Variants in RMI1 observed in about 807,000 individuals in gnomAD.
The protein encoded by RMI1 is RecQ mediated genome instability 1, also known as recQ-mediated genome instability protein 1.
RMI1 carries 36 observed loss-of-function variants against 46.7 expected under a neutral mutation model. The observed-to-expected ratio is 0.77, with a 90% CI of 0.59 to 1.02. The LOEUF (loss-of-function observed/expected upper bound fraction) is 1.02, where lower values mean the gene tolerates loss of function less well. RMI1 is among the 50% of genes least tolerant of loss of function. The probability of loss-of-function intolerance (pLI) is 0.00; values close to 1 mark genes in which losing one functional copy is unlikely to be tolerated. For missense variants in RMI1, 676 were observed against 713.7 expected, an observed-to-expected ratio of 0.95 and a Z score of 0.60; for synonymous variants, 250 against 252.9, an observed-to-expected ratio of 0.99 and a Z score of 0.11.
chr9:83,986,347 C>G lies in RMI1; in HGVS notation c.-126+5456C>G, dbSNP rs888709945. 7.9e-5 allele frequency among the ~76,000 whole-genome samples: 12 copies of G among 152,290 alleles called. No individual in the cohort carries two copies. The East Asian group carries it at 2.3e-3, about 29-fold the overall frequency. On this transcript the variant is annotated intron_variant, in intron 1 of 2. Coordinates refer to ENST00000445877, the MANE Select transcript of RMI1 (RefSeq NM_001358291.2). Reference sequence around the variant, plus strand: ...AGAATTCTGTTCATTATAGTAGCAGCAAACCACTCTTATAGAATGGCCGTT... The same window carrying G: ...AGAATTCTGTTCATTATAGTAGCAGGAAACCACTCTTATAGAATGGCCGTT...
At chr9:83,987,076 C>T (rs1455132829) in intron 1 of RMI1, among the ~76,000 whole-genome samples, 4 of 151,690 alleles carry the variant, frequency 2.6e-5, no homozygotes, top group Non-Finnish European at 5.9e-5. Context: ...CCCTTCCCTT[C>T]GCTTTCCGAT....
At chr9:83,997,656 G>A (rs1957678182) in intron 1 of RMI1, among the ~76,000 whole-genome samples, 1 of 152,052 alleles carries the variant, frequency 6.6e-6, no homozygotes, top group South Asian at 2.1e-4. Context: ...TTACTATCAT[G>A]AGAGCAGCAC....
intron 1 of RMI1, among the ~76,000 whole-genome samples, chr9:83,994,894 G>A (rs564908799): frequency 6.6e-6 from 1 of 152,036 alleles, no homozygotes; most frequent in Admixed American, 6.6e-5. Flanking sequence ...TTAATGTTTT[G>A]TATTTTGCCA....
chr9:83,982,335 G>A (rs1458572328), intron 1 of RMI1, among the ~76,000 whole-genome samples: 7 of 152,194 alleles, frequency 4.6e-5, no homozygotes, highest in Non-Finnish European at 1.0e-4. Context: ...GATAAGGAAT[G>A]ATGAGTGGGA....
In RMI1 at chr9:84,001,647, A is replaced by G. The variant is rs759936538; in HGVS notation, c.661A>G (p.Ile221Val). Residue 221 changes from isoleucine to valine, a missense_variant, in exon 3 of 3, where the codon ATA (isoleucine) becomes GTA (valine). Ile to Val is a conservative substitution (Grantham distance 29). Transcript: ENST00000445877. ...GGAACCTGATCTTGTAGTTTCAGTC[A>G]TACCAAACAATTCTAACGAAAACAT... ...IGEPDLVVSV[I>V]PNNSNENIPR... 73 of 1,613,950 alleles carry G rather than the reference A, an allele frequency of 4.5e-5. 2 individuals carry two copies. Among genetic ancestry groups the G allele is most frequent in the Non-Finnish European group, 4.7e-5 (55 of 1,180,000 alleles).
At chr9:83,992,174 G>A (rs1364498014) in intron 1 of RMI1, among the ~76,000 whole-genome samples, 5 of 152,100 alleles carry the variant, frequency 3.3e-5, no homozygotes, top group African/African-American at 1.2e-4. Context: ...GTAATTTATA[G>A]TTTTCAGCAT....
At chr9:83,983,513 G>A (rs1360980243) in intron 1 of RMI1, among the ~76,000 whole-genome samples, 5 of 152,268 alleles carry the variant, frequency 3.3e-5, no homozygotes, top group Middle Eastern at 3.4e-3. Context: ...GAACTGTGGA[G>A]TAGATTTAAA....
At chr9:83,990,395 A>C (rs1405445982) in intron 1 of RMI1, among the ~76,000 whole-genome samples, 2 of 152,032 alleles carry the variant, frequency 1.3e-5, no homozygotes, top group Non-Finnish European at 2.9e-5. Flanking sequence ...GACTAGTCCC[A>C]GCTACTTGGG....
rs1361071299 is a variant in RMI1, at chr9:83,984,086, G to A, written c.-126+3195G>A. Among the ~76,000 whole-genome samples, 3 of 151,636 alleles carry A rather than the reference G, an allele frequency of 2.0e-5. No individual in the cohort carries two copies. The East Asian group carries it at 5.8e-4, about 29-fold the overall frequency. Reference sequence around the variant, plus strand: ...TTTATTTATTTTGTTACTTATTGATGCATAAAAGATGTACATAGTTTTGGG... The same window carrying A: ...TTTATTTATTTTGTTACTTATTGATACATAAAAGATGTACATAGTTTTGGG... On this transcript the variant is annotated intron_variant, in intron 1 of 2. Transcript: ENST00000445877.
intron 1 of RMI1, among the ~76,000 whole-genome samples, chr9:83,997,100 ACC>A (rs1392740034): frequency 2.2e-5 from 2 of 92,706 alleles, no homozygotes; most frequent in South Asian, 4.2e-4. Flanking sequence ...TAAGTCCAAC[ACC>A]CCCCCCTTTT....
At chr9:83,991,205 GTGTCT>G (rs1192937577) in intron 1 of RMI1, among the ~76,000 whole-genome samples, 4 of 151,918 alleles carry the variant, frequency 2.6e-5, no homozygotes, top group African/African-American at 9.6e-5. Flanking sequence ...GCATGTGTGT[GTGTCT>G]TGTCTTTTTA....
At chr9:83,995,068 C>T (rs548037209) in intron 1 of RMI1, among the ~76,000 whole-genome samples, 20 of 152,204 alleles carry the variant, frequency 1.3e-4, no homozygotes, top group Admixed American at 9.2e-4. Flanking sequence ...GGCGAGATCT[C>T]GGCTCACCAC....
At chr9:83,983,275 C>T (rs296893) in intron 1 of RMI1, among the ~76,000 whole-genome samples, 45,177 of 152,066 alleles carry the variant, frequency 0.3, 7,048 homozygotes, top group African/African-American at 0.39. Context: ...TCCAAGGTCA[C>T]ATAGCAAAAT....
At chr9:83,995,153 C>A (rs1435205601) in intron 1 of RMI1, among the ~76,000 whole-genome samples, 1 of 151,956 alleles carries the variant, frequency 6.6e-6, no homozygotes, top group Non-Finnish European at 1.5e-5. Flanking sequence ...GTGCGTGCAA[C>A]CATGCCCAGC....
rs757644149 is a variant in RMI1, at chr9:84,001,056, C to G, written c.70C>G (p.Pro24Ala). ...AGCTGCATGGCATGTTAAAGTACCT[C>G]CGATGTGGCTGGAAGCTTGTATTAA... ...LLAAWHVKVPPMWLEACINWI... is the reference protein window; with the variant it reads ...LLAAWHVKVPAMWLEACINWI... The change falls in exon 3 of 3, where the codon CCG becomes GCG. Residue 24 changes from proline (P) to alanine (A), a missense_variant. Pro to Ala is a conservative substitution (Grantham distance 27). Coordinates refer to ENST00000445877, the MANE Select transcript of RMI1 (RefSeq NM_001358291.2). 1 of 1,613,946 alleles carries G rather than the reference C, an allele frequency of 6.2e-7. No individual in the cohort carries two copies.
rs370797458 is a variant in RMI1 at position 84,002,680 on chromosome 9, A to G, written c.1694A>G (p.Lys565Arg). 7.2e-5 allele frequency: 116 copies of G among 1,613,814 alleles called. 1 individual carries two copies. The highest frequency in any genetic ancestry group is 1.4e-5 in the Non-Finnish European group (16 of 1,179,922). ...GFSVPEMKQSKKDPLQYQKFL... is the reference protein window; with the variant it reads ...GFSVPEMKQSRKDPLQYQKFL... ...TCAGTACCAGAAATGAAACAGTCAA[A>G]AAAGGATCCTCTTCAATACCAAAAG... Residue 565 changes from lysine to arginine, a missense_variant, in exon 3 of 3, where the codon AAA becomes AGA. Transcript: ENST00000445877.
At chr9:83,995,317 A>T (rs1340159488) in intron 1 of RMI1, among the ~76,000 whole-genome samples, 2 of 151,854 alleles carry the variant, frequency 1.3e-5, no homozygotes, top group East Asian at 3.9e-4. Flanking sequence ...ACTTTTTAAA[A>T]AACATTTCCT....
In RMI1 at chr9:84,001,563, G is replaced by A; in HGVS notation, c.577G>A (p.Glu193Lys). ...AGAAAACGTGAAAGTGTTAGGAGGT[G>A]AAGTAGATGCTCTTTTAGAAGAATA... Reference protein sequence around the residue: ...KPENVKVLGGEVDALLEEYAQ... With the variant: ...KPENVKVLGGKVDALLEEYAQ... Residue 193 changes from glutamate to lysine, a missense_variant, in exon 3 of 3, where the codon GAA becomes AAA. By Grantham distance (56) the Glu-to-Lys change is moderately conservative. Coordinates refer to ENST00000445877, the MANE Select transcript of RMI1 (RefSeq NM_001358291.2). The A allele has an allele frequency of 6.2e-7, 1 of 1,613,866 alleles. No individual in the cohort carries two copies. Among genetic ancestry groups the A allele is most frequent in the Non-Finnish European group, 8.5e-7 (1 of 1,179,952 alleles).
intron 1 of RMI1, among the ~76,000 whole-genome samples, chr9:83,992,625 T>C (rs1243091715): frequency 2.0e-5 from 3 of 152,226 alleles, no homozygotes; most frequent in Admixed American, 6.5e-5. Flanking sequence ...CTGCACATGT[T>C]CATGAATGAC....
Sources: allele counts gnomAD v4.1 joint callset (sites outside exome capture counted in the v4.1 genomes callset), GRCh38; gene constraint gnomAD v4.1.1; transcripts MANE v1.5; gene names NCBI Gene and HGNC (gene_info 2026-07-23, HGNC 2026-07-21).